Variants in PRKCB observed in about 807,000 individuals in gnomAD.
PRKCB encodes the protein protein kinase C beta type.
PRKCB carries 13 observed loss-of-function variants against 81.5 expected under a neutral mutation model. The ratio of observed to expected loss-of-function variants is 0.16; its 90% CI spans 0.10 to 0.25. PRKCB has a LOEUF of 0.25. Ranked by LOEUF, PRKCB falls within the 10% of genes least tolerant of loss-of-function variation. The probability of loss-of-function intolerance (pLI) is 1.00; values close to 1 mark genes in which losing one functional copy is unlikely to be tolerated. For missense variants in PRKCB, 509 were observed against 875.7 expected (o/e 0.58, Z 5.29); for synonymous variants, 335 against 321.4 (o/e 1.04, Z -0.45).
chr16:23,869,420 A>G (rs933166211), intron 2 of PRKCB: 3 of 230,034 alleles, frequency 1.3e-5, no homozygotes, highest in African/African-American at 6.8e-5. Context: ...GCACTTACCT[A>G]CCAAAAGCTG....
At chr16:23,881,952 CT>C (rs1379674202) in intron 2 of PRKCB, among the ~76,000 whole-genome samples, 2 of 151,000 alleles carry the variant, frequency 1.3e-5, no homozygotes, top group African/African-American at 2.4e-5. Context: ...TGGTTTCTTC[CT>C]TTTTTTCTTT....
chr16:24,204,145 T>C (rs1968007300), intron 16 of PRKCB, among the ~76,000 whole-genome samples: 2 of 152,122 alleles, frequency 1.3e-5, no homozygotes, highest in African/African-American at 4.8e-5. Flanking sequence ...CCAGCTACCA[T>C]GTTAAGTATT....
intron 5 of PRKCB, among the ~76,000 whole-genome samples, chr16:24,058,387 A>G (rs1398607969): frequency 6.6e-6 from 1 of 152,106 alleles, no homozygotes; most frequent in Non-Finnish European, 1.5e-5. Context: ...CAGATGCACA[A>G]TTAGAGTTTG....
At chr16:24,115,989 G>T (rs1966733623) in intron 8 of PRKCB, among the ~76,000 whole-genome samples, 1 of 151,640 alleles carries the variant, frequency 6.6e-6, no homozygotes, top group African/African-American at 2.4e-5. Context: ...CCTCCCAAGT[G>T]CTGGGATTAC....
intron 2 of PRKCB, among the ~76,000 whole-genome samples, chr16:23,875,659 CATAT>C (rs10578082): frequency 1.1e-5 from 1 of 92,894 alleles, no homozygotes; most frequent in Non-Finnish European, 2.3e-5. Context: ...GTATATCACA[CATAT>C]ATATGTATGT....
Position 24,217,702 on chromosome 16 carries a change from G to A in PRKCB, c.*2886G>A, listed in dbSNP as rs1397690897. On this transcript the variant is annotated 3_prime_UTR_variant, in exon 17 of 17. Transcript: ENST00000643927. ...TTTCCAAGGTGGGGCTGGTCAGAAG[G>A]GAATCTTTGATAAGAGGCCCACAGG... The A allele has an allele frequency of 2.0e-6, 2 of 985,366 alleles. No homozygotes were observed. Among genetic ancestry groups the A allele is most frequent in the Non-Finnish European group, 2.4e-6 (2 of 830,008 alleles). The allele number at this position is 985,366 out of a possible 1,614,324, so 61.0% of individuals were successfully genotyped here. A position where few individuals can be genotyped will look rare whatever the true frequency, so the allele number is the denominator to read the frequency against.
intron 12 of PRKCB, among the ~76,000 whole-genome samples, chr16:24,178,565 A>G (rs1967571572): frequency 6.6e-6 from 1 of 152,262 alleles, no homozygotes. Context: ...CATATATCAC[A>G]TATAGACCTA....
intron 9 of PRKCB, 96 bp from the exon 10 acceptor site, chr16:24,154,588 T>TA: frequency 8.0e-7 from 1 of 1,247,326 alleles, no homozygotes; most frequent in Non-Finnish European, 1.1e-6. Flanking sequence ...AAGGCACCTA[T>TA]ACAAAGCTAA....
chr16:23,918,985 T>G (rs1451075339), intron 2 of PRKCB, among the ~76,000 whole-genome samples: 1 of 152,218 alleles, frequency 6.6e-6, no homozygotes, highest in Non-Finnish European at 1.5e-5. Flanking sequence ...AAGGAACTTG[T>G]CATGGCTCAA....
intron 2 of PRKCB, among the ~76,000 whole-genome samples, chr16:23,841,013 A>G (rs549322408): frequency 1.1e-4 from 17 of 152,330 alleles, no homozygotes; most frequent in African/African-American, 3.8e-4. Context: ...ATTCTAGAGT[A>G]GAAGTGGAAC....
At chr16:24,031,000 G>A (rs1965544180) in intron 3 of PRKCB, among the ~76,000 whole-genome samples, 1 of 152,106 alleles carries the variant, frequency 6.6e-6, no homozygotes, top group Admixed American at 6.6e-5. Flanking sequence ...GGAAGTCAAG[G>A]TCCCAGTGAG....
intron 10 of PRKCB, among the ~76,000 whole-genome samples, chr16:24,162,987 G>C (rs772143904): frequency 6.6e-6 from 1 of 152,196 alleles, no homozygotes; most frequent in Non-Finnish European, 1.5e-5. Flanking sequence ...CTTTGTCCTT[G>C]CTTTCTTTGT....
At chr16:24,015,802 C>T (rs1053084423) in intron 3 of PRKCB, among the ~76,000 whole-genome samples, 12 of 152,032 alleles carry the variant, frequency 7.9e-5, no homozygotes, top group South Asian at 2.1e-4. Context: ...AGGTACTCAA[C>T]GAATATTTGG....
rs1422286381 is a variant in PRKCB, at chr16:24,032,185, C to T, written c.338C>T (p.Thr113Met). 5 of 1,613,928 alleles carry T rather than the reference C, an allele frequency of 3.1e-6. No homozygotes were observed. Among genetic ancestry groups the T allele is most frequent in the African/African-American group, 1.3e-5 (1 of 75,030 alleles). The change falls in exon 4 of 17, where the codon ACG becomes ATG. Residue 113 changes from threonine (T) to methionine (M), a missense_variant. Coordinates refer to ENST00000643927, the MANE Select transcript of PRKCB (RefSeq NM_002738.7). ...KFKIHTYSSP[T>M]FCDHCGSLLY... ...AAGATCCACACGTACTCCAGCCCCA[C>T]GTTTTGTGACCACTGTGGGTCACTG...
chr16:23,964,284 G>A (rs1376681551), intron 2 of PRKCB, among the ~76,000 whole-genome samples: 2 of 152,188 alleles, frequency 1.3e-5, no homozygotes, highest in Non-Finnish European at 2.9e-5. Flanking sequence ...GATTCAGTCC[G>A]CTGTGGCTTG....
intron 2 of PRKCB, among the ~76,000 whole-genome samples, chr16:23,863,910 A>G (rs1016100559): frequency 2.6e-5 from 4 of 151,936 alleles, no homozygotes; most frequent in Non-Finnish European, 5.9e-5. Flanking sequence ...TCAGTACGTT[A>G]TTTCTCTCTC....
At chr16:23,917,110 C>CA (rs1963752685) in intron 2 of PRKCB, among the ~76,000 whole-genome samples, 1 of 152,022 alleles carries the variant, frequency 6.6e-6, no homozygotes, top group Non-Finnish European at 1.5e-5. Context: ...TTTTTTGAGA[C>CA]AGAGTCTCGC....
At chr16:24,102,351 C>T (rs996044417) in intron 7 of PRKCB, among the ~76,000 whole-genome samples, 2 of 152,204 alleles carry the variant, frequency 1.3e-5, no homozygotes, top group South Asian at 2.1e-4. Context: ...ACGGCCAAGA[C>T]ATTTGCGATG....
intron 2 of PRKCB, among the ~76,000 whole-genome samples, chr16:23,853,628 C>T (rs551047103): frequency 7.2e-5 from 11 of 152,316 alleles, no homozygotes; most frequent in African/African-American, 2.6e-4. Flanking sequence ...TTTTATCTCT[C>T]ACTTGACTGG....
Sources: gnomAD v4.1 joint callset for allele counts (sites outside exome capture counted in the v4.1 genomes callset) on GRCh38, gnomAD v4.1.1 for gene constraint, MANE v1.5 for transcripts, NCBI Gene and HGNC (gene_info 2026-07-23, HGNC 2026-07-21) for gene names.